MED30: variants seen among roughly 807,000 people sequenced by gnomAD.
MED30 encodes the protein mediator of RNA polymerase II transcription subunit 30.
MED30 carries 8 observed loss-of-function variants against 21.7 expected under a neutral mutation model. The ratio of observed to expected loss-of-function variants is 0.37; its 90% CI spans 0.22 to 0.67. MED30 has a LOEUF of 0.67. Among genes scored for constraint, MED30 ranks in the 30% least tolerant of loss-of-function variants. The probability of loss-of-function intolerance (pLI) is 0.58; values close to 1 mark genes in which losing one functional copy is unlikely to be tolerated. For synonymous variants in MED30, 79 were observed against 86.7 expected (o/e 0.91, Z 0.49); for missense variants, 203 against 228.2 (o/e 0.89, Z 0.71).
At chr8:117,536,811 G>T (rs1012186025) in intron 3 of MED30, among the ~76,000 whole-genome samples, 1 of 152,202 alleles carries the variant, frequency 6.6e-6, no homozygotes, top group Non-Finnish European at 1.5e-5. Context: ...TTAGGTGCAG[G>T]GGTGTCCAAT....
In MED30 at chr8:117,539,878, T is replaced by C. The variant is rs1181809595; in HGVS notation, c.442-5T>C. The C allele has an allele frequency of 1.3e-6, 2 of 1,567,044 alleles. No homozygotes were observed. Among genetic ancestry groups the C allele is most frequent in the South Asian group, 2.3e-5 (2 of 88,602 alleles). ...CATTTTTGATAAATTCTTTTGTTTC[T>C]ACAGAAACTCAAACAGAAGAATCAA... On this transcript the variant is annotated splice_polypyrimidine_tract_variant and splice_region_variant and intron_variant, in intron 3 of 3. Transcript: ENST00000297347.
At chr8:117,530,904 A>G in intron 3 of MED30, 77 bp downstream of exon 3, 1 of 972,622 alleles carries the variant, frequency 1.0e-6, no homozygotes, top group Non-Finnish European at 1.6e-6. Flanking sequence ...TAACTCCAAA[A>G]CATAATTTGA....
At chr8:117,531,540 T>C (rs552804627) in intron 3 of MED30, among the ~76,000 whole-genome samples, 2 of 152,186 alleles carry the variant, frequency 1.3e-5, no homozygotes, top group Admixed American at 1.3e-4. Context: ...TTCTGAGGTA[T>C]ATGAAGATTT....
In MED30 at chr8:117,520,822, C is replaced by A; in HGVS notation, c.-55C>A. 6.8e-7 allele frequency: 1 copy of A among 1,479,412 alleles called. No individual in the cohort carries two copies. The highest frequency in any genetic ancestry group is 2.3e-5 in the Admixed American group (1 of 43,996). 91.6% of individuals were successfully genotyped at this position (1,479,412 alleles called of 1,614,324 possible). A position where few individuals can be genotyped will look rare whatever the true frequency, so the allele number is the denominator to read the frequency against. ...GGCCCCACAGCCTCCCAATTCCGGG[C>A]AGACCCCTGACACCTGCTGTCTGGC... On this transcript the variant is annotated 5_prime_UTR_variant, in exon 1 of 4. Transcript: ENST00000297347.
Position 117,520,948 on chromosome 8 carries a change from C to T in MED30, c.72C>T (p.Ala24=). 1 of 1,612,418 alleles carries T rather than the reference C, an allele frequency of 6.2e-7. No homozygotes were observed. The highest frequency in any genetic ancestry group is 8.5e-7 in the Non-Finnish European group (1 of 1,179,258). Residue 24 remains alanine, a synonymous_variant, in exon 1 of 4, where the codon GCC becomes GCT. Coordinates refer to ENST00000297347, the MANE Select transcript of MED30 (RefSeq NM_080651.4). The stretch of plus-strand genomic sequence containing the variant: ...TCGCCGGGCCCCAGGCTCAGCAGGC[C>T]GCCCGGGAAGTCAACACGGCGTCGC... ...GPFAGPQAQQ[A]AREVNTASLC...
intron 1 of MED30, among the ~76,000 whole-genome samples, chr8:117,521,607 A>G (rs1324861035): frequency 2.0e-5 from 3 of 152,086 alleles, no homozygotes; most frequent in Non-Finnish European, 4.4e-5. Flanking sequence ...TTTGCTTCCC[A>G]CCTTCCATCG....
At chr8:117,532,984 A>AT (rs542494898) in intron 3 of MED30, among the ~76,000 whole-genome samples, 13 of 151,962 alleles carry the variant, frequency 8.6e-5, no homozygotes, top group African/African-American at 2.9e-4. Flanking sequence ...TTCTCTAATG[A>AT]TTTTTTTATA....
intron 1 of MED30, among the ~76,000 whole-genome samples, chr8:117,526,989 AC>A (rs1223296952): frequency 3.9e-5 from 6 of 152,016 alleles, no homozygotes; most frequent in African/African-American, 1.4e-4. Context: ...TTCACACTGT[AC>A]TTTAAAGCCT....
intron 1 of MED30, chr8:117,523,261 T>TA: frequency 9.0e-7 from 1 of 1,105,472 alleles, no homozygotes; most frequent in South Asian, 1.2e-5. Context: ...TCCTCTCCAA[T>TA]TTTACTGAGG....
chr8:117,534,870 C>A (rs1305230614), intron 3 of MED30, among the ~76,000 whole-genome samples: 15 of 41,924 alleles, frequency 3.6e-4, no homozygotes, highest in South Asian at 1.8e-3. Flanking sequence ...TTTTTTTTTA[C>A]CAAAAGGGCT....
chr8:117,527,522 T>G (rs373687974), intron 1 of MED30, among the ~76,000 whole-genome samples: 2 of 152,086 alleles, frequency 1.3e-5, no homozygotes. Flanking sequence ...TACACATCTT[T>G]TATCAACTAT....
At chr8:117,528,863 A>G in intron 2 of MED30, 54 bp downstream of exon 2, 2 of 1,332,560 alleles carry the variant, frequency 1.5e-6, no homozygotes, top group Non-Finnish European at 1.0e-6. Context: ...TAGTGTCAAG[A>G]CAGTTGTTAA....
intron 3 of MED30, among the ~76,000 whole-genome samples, chr8:117,531,219 A>AT (rs1818788255): frequency 6.6e-6 from 1 of 152,038 alleles, no homozygotes; most frequent in South Asian, 2.1e-4. Context: ...CTATCCCAGC[A>AT]TTATTATCTA....
intron 1 of MED30, among the ~76,000 whole-genome samples, chr8:117,521,601 CT>C (rs2130807369): frequency 6.6e-6 from 1 of 152,350 alleles, no homozygotes; most frequent in Non-Finnish European, 1.5e-5. Flanking sequence ...GACATCTTTG[CT>C]TCCCACCTTC....
At chr8:117,538,690 C>A (rs1399251714) in intron 3 of MED30, among the ~76,000 whole-genome samples, 1 of 152,056 alleles carries the variant, frequency 6.6e-6, no homozygotes, top group African/African-American at 2.4e-5. Context: ...TTCTCTATTT[C>A]TATCTTGTTT....
At chr8:117,535,365 G>C (rs62521201) in intron 3 of MED30, among the ~76,000 whole-genome samples, 1 of 151,046 alleles carries the variant, frequency 6.6e-6, no homozygotes, top group Non-Finnish European at 1.5e-5. Flanking sequence ...AGTAGCTGGG[G>C]TTACAGGCGT....
chr8:117,539,323 A>G (rs961259605), intron 3 of MED30, among the ~76,000 whole-genome samples: 2 of 152,152 alleles, frequency 1.3e-5, no homozygotes, highest in African/African-American at 4.8e-5. Flanking sequence ...CCTCCTCTCT[A>G]CTAAAAATAC....
At chr8:117,533,244 T>C (rs1047182890) in intron 3 of MED30, among the ~76,000 whole-genome samples, 12 of 152,298 alleles carry the variant, frequency 7.9e-5, no homozygotes, top group Admixed American at 5.2e-4. Context: ...CTTTGACTTT[T>C]AAAAGTTCTC....
At chr8:117,532,874 GT>G (rs1818810276) in intron 3 of MED30, among the ~76,000 whole-genome samples, 1 of 151,938 alleles carries the variant, frequency 6.6e-6, no homozygotes, top group Non-Finnish European at 1.5e-5. Flanking sequence ...AATAACTGGT[GT>G]TTGGTAGTCT....
Sources: allele counts gnomAD v4.1 joint callset (sites outside exome capture counted in the v4.1 genomes callset), GRCh38; gene constraint gnomAD v4.1.1; transcripts MANE v1.5; gene names NCBI Gene and HGNC (gene_info 2026-07-23, HGNC 2026-07-21).